MRTFB: variants seen among roughly 807,000 people sequenced by gnomAD.
MRTFB encodes myocardin related transcription factor B, also known as myocardin-related transcription factor B.
A neutral mutation model predicts 104.2 loss-of-function variants in MRTFB; 29 were observed. The ratio of observed to expected loss-of-function variants is 0.28; its 90% CI spans 0.21 to 0.38. MRTFB has a LOEUF of 0.38. Among genes scored for constraint, MRTFB ranks in the 10% least tolerant of loss-of-function variants. The pLI, the probability that MRTFB is intolerant of heterozygous loss-of-function variation, is 1.00. For missense variants in MRTFB, 1,270 were observed against 1,341.6 expected (o/e 0.95, Z 0.83); for synonymous variants, 535 against 519.5 (o/e 1.03, Z -0.41).
At chr16:14,201,088 T>G in intron 3 of MRTFB, 12 of 1,435,456 alleles carry the variant, frequency 8.4e-6, no homozygotes, top group Non-Finnish European at 1.1e-5. Flanking sequence ...GCTTTGTTTT[T>G]CCACTTAAAA....
At chr16:14,062,951 C>T in the MRTFB span, among the ~76,000 whole-genome samples, 1 of 152,240 alleles carries the variant, frequency 6.6e-6, no homozygotes, top group African/African-American at 2.4e-5. Flanking sequence ...CTTCAACATT[C>T]TCATGGGGTG....
intron 10 of MRTFB, among the ~76,000 whole-genome samples, chr16:14,242,401 C>G (rs1306905321): frequency 1.3e-5 from 2 of 152,146 alleles, no homozygotes; most frequent in African/African-American, 4.8e-5. Flanking sequence ...GGAGAAAGAA[C>G]ACTTATTTTT....
chr16:14,138,986 G>A (rs1292415750), intron 2 of MRTFB, among the ~76,000 whole-genome samples: 1 of 152,042 alleles, frequency 6.6e-6, no homozygotes, highest in Non-Finnish European at 1.5e-5. Flanking sequence ...GAAGAAAACA[G>A]GAAGTAATCT....
At chr16:14,245,717 T>G in intron 11 of MRTFB, 57 bp downstream of exon 11, 1 of 1,561,616 alleles carries the variant, frequency 6.4e-7, no homozygotes, top group Non-Finnish European at 8.7e-7. Context: ...TGTAAATGAT[T>G]TGCCAGCGTT....
At chr16:14,114,193 T>C (rs2036419111) in intron 2 of MRTFB, among the ~76,000 whole-genome samples, 1 of 152,230 alleles carries the variant, frequency 6.6e-6, no homozygotes, top group African/African-American at 2.4e-5. Context: ...CAATTATGCT[T>C]CTGGTAAATT....
the MRTFB span, among the ~76,000 whole-genome samples, chr16:14,035,700 TA>T: frequency 5.9e-5 from 9 of 151,292 alleles, no homozygotes; most frequent in South Asian, 2.1e-4. Flanking sequence ...TTCTTTCTTT[TA>T]AAAAAAAATG....
At chr16:14,047,665 G>A in the MRTFB span, among the ~76,000 whole-genome samples, 1 of 152,122 alleles carries the variant, frequency 6.6e-6, no homozygotes, top group African/African-American at 2.4e-5. Context: ...AGCAAAAGGG[G>A]AAACCCCTTA....
At chr16:14,017,097 C>T in the MRTFB span, among the ~76,000 whole-genome samples, 4 of 140,146 alleles carry the variant, frequency 2.9e-5, no homozygotes, top group Admixed American at 3.0e-4. Context: ...CGCTCTGTTG[C>T]CCAGGCTGGA....
At chr16:14,081,914 T>C (rs1469514312) in intron 2 of MRTFB, among the ~76,000 whole-genome samples, 1 of 152,192 alleles carries the variant, frequency 6.6e-6, no homozygotes, top group Non-Finnish European at 1.5e-5. Flanking sequence ...TGCTATTGAG[T>C]TGAGTTTCTT....
At position 14,162,078 on chromosome 16, in the gene MRTFB, G is replaced by A. The variant is rs116620959; in HGVS notation, c.154+21318G>A. Among the ~76,000 whole-genome samples the A allele has an allele frequency of 3.6e-3, 527 of 147,904 alleles. 1 individual carries two copies. The highest frequency in any genetic ancestry group is 0.013 in the African/African-American group (496 of 39,238). On this transcript the variant is annotated intron_variant, in intron 3 of 16. Coordinates refer to ENST00000571589, the MANE Select transcript of MRTFB (RefSeq NM_001308142.2). ...TGCCTCTAATCCCAGTACTTTGAGA[G>A]GCCAAGGTGGGAGTATCACTTGAGC...
intron 3 of MRTFB, among the ~76,000 whole-genome samples, chr16:14,208,356 A>C (rs2041041169): frequency 6.6e-6 from 1 of 152,078 alleles, no homozygotes; most frequent in Non-Finnish European, 1.5e-5. Context: ...CACCCAAAAA[A>C]CGTATTGTGT....
intron 3 of MRTFB, chr16:14,150,968 A>G (rs575367475): frequency 3.9e-5 from 6 of 152,340 alleles, no homozygotes; most frequent in African/African-American, 1.4e-4. Flanking sequence ...ATATGTGAGA[A>G]CCTCAAGAGA....
intron 2 of MRTFB, among the ~76,000 whole-genome samples, chr16:14,127,078 T>G (rs2037148994): frequency 6.6e-6 from 1 of 152,204 alleles, no homozygotes; most frequent in Admixed American, 6.5e-5. Flanking sequence ...TTAACTAACT[T>G]GCCCATAGTC....
intron 3 of MRTFB, among the ~76,000 whole-genome samples, chr16:14,164,195 C>A (rs1273401543): frequency 6.6e-6 from 1 of 152,188 alleles, no homozygotes; most frequent in Admixed American, 6.5e-5. Flanking sequence ...AATCTCTCTT[C>A]ATCCCCAGCA....
chr16:14,219,276 T>C lies in MRTFB; in HGVS notation c.693+278T>C, dbSNP rs565248157. Among the ~76,000 whole-genome samples the C allele has an allele frequency of 3.3e-5, 5 of 152,322 alleles. No individual in the cohort carries two copies. The South Asian group carries it at 8.3e-4, about 25-fold the overall frequency. On this transcript the variant is annotated intron_variant, in intron 8 of 16. Transcript: ENST00000571589. ...AATTTGTTTGTTCAACAAATACACA[T>C]TGAGCACCTATTATGTTTCAAATTT...
intron 10 of MRTFB, chr16:14,241,387 A>G (rs1444628498): frequency 6.6e-6 from 1 of 152,274 alleles, no homozygotes; most frequent in Non-Finnish European, 1.5e-5. Flanking sequence ...CAAGACATCA[A>G]TGGCTAATTT....
intron 2 of MRTFB, among the ~76,000 whole-genome samples, chr16:14,129,612 G>T (rs2037336605): frequency 6.6e-6 from 1 of 152,148 alleles, no homozygotes; most frequent in African/African-American, 2.4e-5. Context: ...ACATTTTAAG[G>T]TAATGCCAGC....
intron 3 of MRTFB, among the ~76,000 whole-genome samples, chr16:14,209,313 A>C (rs2041087718): frequency 6.6e-6 from 1 of 152,202 alleles, no homozygotes; most frequent in Admixed American, 6.5e-5. Flanking sequence ...CATATTGACA[A>C]CCATTAAGCA....
At chr16:14,120,254 C>T (rs2142278103) in intron 2 of MRTFB, among the ~76,000 whole-genome samples, 1 of 152,272 alleles carries the variant, frequency 6.6e-6, no homozygotes. Flanking sequence ...TATCTTTCCA[C>T]TTTGTGGTAT....
Sources: gnomAD v4.1 joint callset for allele counts (sites outside exome capture counted in the v4.1 genomes callset) on GRCh38, gnomAD v4.1.1 for gene constraint, MANE v1.5 for transcripts, NCBI Gene and HGNC (gene_info 2026-07-23, HGNC 2026-07-21) for gene names.